Variants in CEP85L observed in about 807,000 individuals in gnomAD.
CEP85L encodes the protein centrosomal protein of 85 kDa-like.
In CEP85L, 60 loss-of-function variants were observed where a neutral mutation model predicts 100.3. That is an observed-to-expected ratio of 0.60 (90% CI 0.49 to 0.74). The LOEUF (loss-of-function observed/expected upper bound fraction) is 0.74, where lower values mean the gene tolerates loss of function less well. CEP85L is among the 30% of genes least tolerant of loss of function. The probability of loss-of-function intolerance (pLI) is 0.00; values close to 1 mark genes in which losing one functional copy is unlikely to be tolerated. For missense variants in CEP85L, 973 were observed against 936.2 expected, an observed-to-expected ratio of 1.04 and a Z score of -0.51; for synonymous variants, 319 against 322.7, an observed-to-expected ratio of 0.99 and a Z score of 0.12.
intron 1 of CEP85L, among the ~76,000 whole-genome samples, chr6:118,643,836 T>C (rs562909396): frequency 1.1e-4 from 16 of 152,312 alleles, no homozygotes; most frequent in African/African-American, 3.4e-4. Context: ...GAGAACACTG[T>C]TAACACCAGT....
intron 5 of CEP85L, among the ~76,000 whole-genome samples, chr6:118,504,505 G>A (rs1362840433): frequency 1.3e-5 from 2 of 152,158 alleles, no homozygotes; most frequent in East Asian, 1.9e-4. Context: ...GGCACCCCTG[G>A]AGATGGCATG....
At chr6:118,569,635 A>G (rs943663816) in intron 2 of CEP85L, among the ~76,000 whole-genome samples, 4 of 151,988 alleles carry the variant, frequency 2.6e-5, no homozygotes, top group African/African-American at 9.7e-5. Flanking sequence ...GAATTAAATC[A>G]AAACACATAA....
At chr6:118,589,029 C>T in intron 2 of CEP85L, 1 of 260,664 alleles carries the variant, frequency 3.8e-6, no homozygotes, top group Non-Finnish European at 8.4e-6. Flanking sequence ...TTGACCTCGC[C>T]AGGGCTGCTT....
At chr6:118,487,977 ACTC>A (rs1774297448) in intron 6 of CEP85L, among the ~76,000 whole-genome samples, 1 of 151,800 alleles carries the variant, frequency 6.6e-6, no homozygotes, top group African/African-American at 2.4e-5. Context: ...GACCTAGAAT[ACTC>A]CTGAAGCCTG....
At chr6:118,478,115 T>C (rs930658350) in intron 10 of CEP85L, among the ~76,000 whole-genome samples, 4 of 152,100 alleles carry the variant, frequency 2.6e-5, no homozygotes, top group Non-Finnish European at 2.9e-5. Flanking sequence ...ATTATGTCCA[T>C]TAACCACAAT....
chr6:118,617,151 G>T (rs1213691590), intron 2 of CEP85L, among the ~76,000 whole-genome samples: 1 of 152,170 alleles, frequency 6.6e-6, no homozygotes, highest in Non-Finnish European at 1.5e-5. Context: ...GGCTTGGAAA[G>T]CTGTAAAACT....
At chr6:118,545,853 AT>A (rs1778168387) in intron 3 of CEP85L, among the ~76,000 whole-genome samples, 1 of 152,208 alleles carries the variant, frequency 6.6e-6, no homozygotes, top group African/African-American at 2.4e-5. Flanking sequence ...GATAATCACT[AT>A]GTACACTTCA....
chr6:118,532,186 A>G (rs1777333457), intron 3 of CEP85L, among the ~76,000 whole-genome samples: 1 of 152,194 alleles, frequency 6.6e-6, no homozygotes, highest in Admixed American at 6.5e-5. Context: ...ACATAGCCAT[A>G]AAAGAATAAT....
intron 2 of CEP85L, among the ~76,000 whole-genome samples, chr6:118,620,961 A>C (rs1043733523): frequency 5.9e-5 from 9 of 152,022 alleles, no homozygotes; most frequent in Non-Finnish European, 1.3e-4. Flanking sequence ...GGGACAAATT[A>C]CCCATTTGTT....
intron 2 of CEP85L, among the ~76,000 whole-genome samples, chr6:118,591,710 C>G (rs1270443362): frequency 3.9e-5 from 6 of 152,188 alleles, no homozygotes; most frequent in African/African-American, 7.2e-5. Context: ...CCCACTCCCA[C>G]CCTGTTGAGT....
At chr6:118,618,072 T>C (rs1417164693) in intron 2 of CEP85L, among the ~76,000 whole-genome samples, 2 of 152,134 alleles carry the variant, frequency 1.3e-5, no homozygotes, top group African/African-American at 4.8e-5. Context: ...TTTCACTTTC[T>C]GTAGTGGTCC....
Position 118,649,238 on chromosome 6 carries a change from T to C in CEP85L, c.73+1959A>G, listed in dbSNP as rs146260942. 4.6e-5 allele frequency among the ~76,000 whole-genome samples: 7 copies of C among 152,224 alleles called. No individual in the cohort carries two copies. The East Asian group carries it at 1.3e-3, about 29-fold the overall frequency. Reference sequence around the variant, plus strand: ...TTTCAGCATGTAACTGAAAAAAAACTTTACAAAGGCATGTCCTGACTTGTC... The same window carrying C: ...TTTCAGCATGTAACTGAAAAAAAACCTTACAAAGGCATGTCCTGACTTGTC... On this transcript the variant is annotated intron_variant, in intron 1 of 12. Transcript: ENST00000368491.
In CEP85L at chr6:118,651,540, G is replaced by T. The variant is rs1394027602; in HGVS notation, c.-271C>A. The T allele has an allele frequency of 1.6e-6, 2 of 1,255,404 alleles. No homozygotes were observed. Among genetic ancestry groups the T allele is most frequent in the South Asian group, 5.2e-5 (2 of 38,256 alleles). 77.8% of individuals were successfully genotyped at this position (1,255,404 alleles called of 1,614,324 possible). The stretch of plus-strand genomic sequence containing the variant: ...CGGCGGTGACGGCTGCTAGATCCCC[G>T]GCTGAGCCCAGGCTCAAAGGCTCCA... On this transcript the variant is annotated 5_prime_UTR_variant, in exon 1 of 13. Coordinates refer to ENST00000368491, the MANE Select transcript of CEP85L (RefSeq NM_001042475.3).
At position 118,461,382 on chromosome 6, in the gene CEP85L, C is replaced by T. The variant is rs994650346; in HGVS notation, c.*4023G>A. On this transcript the variant is annotated 3_prime_UTR_variant, in exon 13 of 13. Transcript: ENST00000368491. The stretch of plus-strand genomic sequence containing the variant: ...CCCTCATGTTTACTAAGGTATCCAC[C>T]TAGTAACAAAAAACGGCTCCTTGCT... 3 of 151,434 alleles carry T rather than the reference C, an allele frequency of 2.0e-5. No homozygotes were observed. Among genetic ancestry groups the T allele is most frequent in the African/African-American group, 7.3e-5 (3 of 41,252 alleles). 9.4% of individuals were successfully genotyped at this position (151,434 alleles called of 1,614,324 possible). A position where few individuals can be genotyped will look rare whatever the true frequency, so the allele number is the denominator to read the frequency against.
At chr6:118,480,062 AT>A in intron 9 of CEP85L, 141 bp from the exon 10 acceptor site, 2 of 554,204 alleles carry the variant, frequency 3.6e-6, no homozygotes, top group African/African-American at 2.3e-5. Flanking sequence ...TATCCTTATG[AT>A]TTGGGTCACA....
At chr6:118,472,090 TTATA>T (rs1773003485) in intron 10 of CEP85L, among the ~76,000 whole-genome samples, 1 of 151,846 alleles carries the variant, frequency 6.6e-6, no homozygotes, top group Non-Finnish European at 1.5e-5. Context: ...AATATAATTA[TTATA>T]TATAACAGAA....
intron 7 of CEP85L, among the ~76,000 whole-genome samples, chr6:118,483,099 T>C (rs752077152): frequency 4.6e-5 from 7 of 152,106 alleles, no homozygotes; most frequent in Non-Finnish European, 7.4e-5. Flanking sequence ...ATGTCAATAG[T>C]GCCGAGGTCA....
intron 3 of CEP85L, among the ~76,000 whole-genome samples, chr6:118,526,323 C>T (rs1157715398): frequency 6.6e-6 from 1 of 152,152 alleles, no homozygotes; most frequent in Non-Finnish European, 1.5e-5. Flanking sequence ...GGCCACTCTC[C>T]AGAATGCCCC....
At chr6:118,703,753 G>A (rs1777503972) in intron 1 of CEP85L, among the ~76,000 whole-genome samples, 1 of 152,086 alleles carries the variant, frequency 6.6e-6, no homozygotes, top group Admixed American at 6.6e-5. Context: ...TTTGGGTGAG[G>A]GTTGTGTGGG....
Sources: gnomAD v4.1 joint callset for allele counts (sites outside exome capture counted in the v4.1 genomes callset) on GRCh38, gnomAD v4.1.1 for gene constraint, MANE v1.5 for transcripts, NCBI Gene and HGNC (gene_info 2026-07-23, HGNC 2026-07-21) for gene names.